Variants in EIF4ENIF1 observed in about 807,000 individuals in gnomAD.
EIF4ENIF1 encodes the protein eukaryotic translation initiation factor 4E transporter.
EIF4ENIF1 carries 23 observed loss-of-function variants against 110.5 expected under a neutral mutation model. That is an observed-to-expected ratio of 0.21 (90% CI 0.15 to 0.29). The LOEUF (loss-of-function observed/expected upper bound fraction) is 0.29. Ranked by LOEUF, EIF4ENIF1 falls within the 10% of genes least tolerant of loss-of-function variation. The pLI is 1.00. For synonymous variants in EIF4ENIF1, 440 were observed against 437.0 expected, an observed-to-expected ratio of 1.01 and a Z score of -0.09; for missense variants, 1,031 against 1,221.1, an observed-to-expected ratio of 0.84 and a Z score of 2.32.
intron 10 of EIF4ENIF1, chr22:31,450,843 C>CACACACACACA (rs1569073447): frequency 1.0e-4 from 10 of 96,858 alleles, no homozygotes; most frequent in African/African-American, 3.3e-4. Context: ...TATATATATA[C>CACACACACACA]TACACACACA....
At chr22:31,455,797 A>AT in intron 8 of EIF4ENIF1, 55 bp downstream of exon 8, 1 of 1,607,148 alleles carries the variant, frequency 6.2e-7, no homozygotes, top group Non-Finnish European at 8.5e-7. Flanking sequence ...AAAATGAACC[A>AT]TATCAGGGAA....
intron 6 of EIF4ENIF1, among the ~76,000 whole-genome samples, chr22:31,460,934 G>T (rs1298670666): frequency 1.3e-5 from 2 of 152,060 alleles, no homozygotes; most frequent in Non-Finnish European, 2.9e-5. Context: ...AACAAAGCAA[G>T]ACTCCATCTC....
At chr22:31,458,719 C>T in intron 6 of EIF4ENIF1, 69 bp from the exon 7 acceptor site, 1 of 1,415,004 alleles carries the variant, frequency 7.1e-7, no homozygotes, top group Non-Finnish European at 9.4e-7. Flanking sequence ...GTGGCTTCAG[C>T]CATCAGTATA....
At chr22:31,477,459 T>A (rs1445171699) in intron 2 of EIF4ENIF1, among the ~76,000 whole-genome samples, 1 of 152,076 alleles carries the variant, frequency 6.6e-6, no homozygotes, top group Non-Finnish European at 1.5e-5. Context: ...CTCTTAGAGT[T>A]ATTGCTCTAA....
At chr22:31,454,484 G>C in intron 9 of EIF4ENIF1, 108 bp from the exon 10 acceptor site, 2 of 928,102 alleles carry the variant, frequency 2.2e-6, no homozygotes, top group Non-Finnish European at 3.2e-6. Flanking sequence ...TCAAAATTGA[G>C]ATGAGACTGT....
intron 11 of EIF4ENIF1, 25 bp from the exon 12 acceptor site, chr22:31,449,556 T>C: frequency 3.1e-6 from 5 of 1,601,000 alleles, no homozygotes; most frequent in Non-Finnish European, 4.3e-6. Context: ...GCCAAATCCC[T>C]GTGAACTTAG....
intron 3 of EIF4ENIF1, among the ~76,000 whole-genome samples, chr22:31,469,948 G>A (rs1281191261): frequency 2.0e-5 from 3 of 152,018 alleles, no homozygotes; most frequent in African/African-American, 7.2e-5. Context: ...TGGATCACCT[G>A]AGGTCAGGAG....
At chr22:31,464,653 G>T (rs1310396752) in intron 4 of EIF4ENIF1, among the ~76,000 whole-genome samples, 1 of 91,856 alleles carries the variant, frequency 1.1e-5, no homozygotes, top group Non-Finnish European at 2.0e-5. Context: ...TGTAGCCTGG[G>T]CAAAAGACTA....
In EIF4ENIF1 at chr22:31,448,175, G is replaced by C; in HGVS notation, c.1826C>G (p.Pro609Arg). ...LGDPFQGMRKPMSPITAQMSQ... is the reference protein window; with the variant it reads ...LGDPFQGMRKRMSPITAQMSQ... Reference sequence around the variant, plus strand: ...GACCTGGGCTGTGATGGGGCTCATGGGTTTGCGCATGCCTTGGAATGGATC... The same window carrying C: ...GACCTGGGCTGTGATGGGGCTCATGCGTTTGCGCATGCCTTGGAATGGATC... The change falls in exon 13 of 19, where the codon CCC (proline) becomes CGC (arginine). Residue 609 changes from proline (P) to arginine (R), a missense_variant. Coordinates refer to ENST00000330125, the MANE Select transcript of EIF4ENIF1 (RefSeq NM_019843.4). 6.2e-7 allele frequency: 1 copy of C among 1,614,180 alleles called. No individual in the cohort carries two copies. The highest frequency in any genetic ancestry group is 8.5e-7 in the Non-Finnish European group (1 of 1,180,022).
At chr22:31,438,894 G>A (rs1477608976), downstream of EIF4ENIF1, among the ~76,000 whole-genome samples, 1 of 152,014 alleles carries the variant, frequency 6.6e-6, no homozygotes, top group East Asian at 1.9e-4. Flanking sequence ...AGCTAGTTTT[G>A]TATTTTTAGT....
intron 10 of EIF4ENIF1, chr22:31,453,376 C>CTT (rs749007679): frequency 8.4e-3 from 2,710 of 321,314 alleles, no homozygotes; most frequent in South Asian, 0.016. Flanking sequence ...ACCCATCTTA[C>CTT]TTTTTTTTTT....
chr22:31,468,675 G>A (rs972682295), intron 3 of EIF4ENIF1, among the ~76,000 whole-genome samples: 2 of 152,142 alleles, frequency 1.3e-5, no homozygotes, highest in Non-Finnish European at 2.9e-5. Flanking sequence ...GATTACAGAT[G>A]TGAGCCACTA....
intron 6 of EIF4ENIF1, among the ~76,000 whole-genome samples, chr22:31,461,363 T>C (rs536763009): frequency 5.9e-5 from 9 of 152,188 alleles, no homozygotes; most frequent in Non-Finnish European, 1.2e-4. Flanking sequence ...CAGCAGGTAC[T>C]TCACACACAT....
intron 14 of EIF4ENIF1, among the ~76,000 whole-genome samples, chr22:31,445,942 A>T (rs1366627563): frequency 1.4e-5 from 2 of 144,038 alleles, no homozygotes; most frequent in East Asian, 2.3e-4. Context: ...TGTAAAATGC[A>T]GTTACGTACC....
intron 4 of EIF4ENIF1, among the ~76,000 whole-genome samples, chr22:31,467,551 G>A (rs923103056): frequency 2.6e-5 from 4 of 152,106 alleles, no homozygotes; most frequent in African/African-American, 4.8e-5. Flanking sequence ...TAGGCCGGGC[G>A]CAGTGGCTCA....
In EIF4ENIF1 at chr22:31,481,786, C is replaced by T. The variant is rs560412445; in HGVS notation, c.96+6837G>A. 6.6e-5 allele frequency among the ~76,000 whole-genome samples: 10 copies of T among 152,254 alleles called. No homozygotes were observed. In the East Asian group the frequency reaches 1.9e-3, roughly 29 times the overall value. On this transcript the variant is annotated intron_variant, in intron 2 of 18. Coordinates refer to ENST00000330125, the MANE Select transcript of EIF4ENIF1 (RefSeq NM_019843.4). ...TGACTGCTATGACCAATTGGCCTAC[C>T]AGCCACAAATTAGGATGGCCTCCCT... is the stretch of plus-strand genomic sequence containing the variant.
upstream of EIF4ENIF1, among the ~76,000 whole-genome samples, chr22:31,491,918 C>T (rs144216484): frequency 1.0e-3 from 156 of 152,294 alleles, 1 homozygote; most frequent in Non-Finnish European, 1.7e-3. Flanking sequence ...ACAAACCACC[C>T]CAGAATTCCA....
chr22:31,466,178 T>C (rs548114251), intron 4 of EIF4ENIF1, among the ~76,000 whole-genome samples: 1 of 152,162 alleles, frequency 6.6e-6, no homozygotes, highest in East Asian at 1.9e-4. Flanking sequence ...TTTGGGAGGC[T>C]GAGGTGGGTG....
At chr22:31,488,969 G>A (rs991471489) in intron 1 of EIF4ENIF1, among the ~76,000 whole-genome samples, 5 of 152,172 alleles carry the variant, frequency 3.3e-5, no homozygotes, top group Non-Finnish European at 7.3e-5. Context: ...AAAGTAGAAG[G>A]TGCCCAATTC....
Sources: gnomAD v4.1 joint callset for allele counts (sites outside exome capture counted in the v4.1 genomes callset) on GRCh38, gnomAD v4.1.1 for gene constraint, MANE v1.5 for transcripts, NCBI Gene and HGNC (gene_info 2026-07-23, HGNC 2026-07-21) for gene names.